The following ADK variants were observed in gnomAD, a reference collection of about 807,000 sequenced individuals.
ADK encodes adenosine kinase.
Under a neutral mutation model 44.7 loss-of-function variants are expected in ADK, and 24 were observed. That is an observed-to-expected ratio of 0.54 (90% CI 0.39 to 0.76). The LOEUF (loss-of-function observed/expected upper bound fraction) is 0.76, where lower values mean the gene tolerates loss of function less well. Ranked by LOEUF, ADK falls within the 30% of genes least tolerant of loss-of-function variation. The pLI is 0.00. For synonymous variants in ADK, 128 were observed against 142.6 expected, an observed-to-expected ratio of 0.90 and a Z score of 0.73; for missense variants, 321 against 425.1, an observed-to-expected ratio of 0.76 and a Z score of 2.15.
chr10:74,610,487 G>T (rs564112584), intron 9 of ADK, among the ~76,000 whole-genome samples: 6 of 152,084 alleles, frequency 3.9e-5, no homozygotes, highest in African/African-American at 1.4e-4. Flanking sequence ...GTAAAGATGG[G>T]TAGTGATAAT....
intron 9 of ADK, among the ~76,000 whole-genome samples, chr10:74,668,113 T>C (rs1252808961): frequency 6.6e-6 from 1 of 152,202 alleles, no homozygotes; most frequent in Non-Finnish European, 1.5e-5. Flanking sequence ...TTTCATTAAC[T>C]TGAGCTCATT....
chr10:74,521,611 T>C (rs1848839012), intron 6 of ADK, among the ~76,000 whole-genome samples: 1 of 152,188 alleles, frequency 6.6e-6, no homozygotes, highest in Non-Finnish European at 1.5e-5. Flanking sequence ...TATTTGATGC[T>C]GGAACAGTTT....
chr10:74,358,243 C>A (rs1235715181), intron 4 of ADK, among the ~76,000 whole-genome samples: 1 of 152,122 alleles, frequency 6.6e-6, no homozygotes, highest in Non-Finnish European at 1.5e-5. Context: ...CTTTTTGCAG[C>A]ATTTTTGATA....
chr10:74,609,049 C>A (rs563103102), intron 9 of ADK, among the ~76,000 whole-genome samples: 7 of 152,256 alleles, frequency 4.6e-5, no homozygotes, highest in Non-Finnish European at 8.8e-5. Flanking sequence ...AGGGGAAAAC[C>A]GCCTACTCAA....
chr10:74,611,175 C>A (rs529370515), intron 9 of ADK, among the ~76,000 whole-genome samples: 6,145 of 152,076 alleles, frequency 0.04, 391 homozygotes, highest in African/African-American at 0.14. Flanking sequence ...AGGTGCCTAC[C>A]ACCCTGCCCA....
chr10:74,442,548 CGGCAGGAGAATCGCTCA>C (rs1564724961), intron 6 of ADK, among the ~76,000 whole-genome samples: 1 of 152,026 alleles, frequency 6.6e-6, no homozygotes, highest in Non-Finnish European at 1.5e-5. Context: ...TGGGAAGCTG[CGGCAGGAGAATCGCTCA>C]AACCCAGGAG....
intron 9 of ADK, among the ~76,000 whole-genome samples, chr10:74,621,609 G>A (rs1044218107): frequency 1.4e-4 from 21 of 152,144 alleles, no homozygotes; most frequent in African/African-American, 5.1e-4. Flanking sequence ...TGTGAAGAAT[G>A]TCATTCGTAT....
intron 6 of ADK, among the ~76,000 whole-genome samples, chr10:74,422,619 GT>G (rs1261094260): frequency 1.3e-5 from 2 of 152,168 alleles, no homozygotes; most frequent in Admixed American, 1.3e-4. Flanking sequence ...GTATATCTAA[GT>G]TCCCAAATAT....
intron 3 of ADK, among the ~76,000 whole-genome samples, chr10:74,243,781 T>C (rs1845313359): frequency 6.6e-6 from 1 of 152,176 alleles, no homozygotes; most frequent in Admixed American, 6.5e-5. Flanking sequence ...GGAAATCGCT[T>C]GAACCCAGGA....
chr10:74,375,719 A>G lies in ADK; in HGVS notation c.274-18422A>G, dbSNP rs538259462. Among the ~76,000 whole-genome samples the G allele has an allele frequency of 4.6e-5, 7 of 152,066 alleles. No homozygotes were observed. The South Asian group carries it at 1.5e-3, about 32-fold the overall frequency. ...AGTGGCAAAGGGGGCTTCTTCAAAGATTTTATGGTATCTTCACTTTATGTC... is the reference window on the plus strand; with the variant it reads ...AGTGGCAAAGGGGGCTTCTTCAAAGGTTTTATGGTATCTTCACTTTATGTC... On this transcript the variant is annotated intron_variant, in intron 4 of 10. Coordinates refer to ENST00000539909, the MANE Select transcript of ADK (RefSeq NM_006721.4).
Position 74,548,490 on chromosome 10 carries a change from A to G in ADK, c.726+23064A>G, listed in dbSNP as rs117489878. 9.8e-5 allele frequency among the ~76,000 whole-genome samples: 15 copies of G among 152,332 alleles called. 1 individual carries two copies. The East Asian group carries it at 2.5e-3, about 25-fold the overall frequency. ...ATTTGAATTTCAGAAGGGACACACG[A>G]TATCTGGGACATACTTATACTAAAA... On this transcript the variant is annotated intron_variant, in intron 7 of 10. Transcript: ENST00000539909.
At chr10:74,663,526 G>A (rs1020351553) in intron 9 of ADK, among the ~76,000 whole-genome samples, 2 of 151,812 alleles carry the variant, frequency 1.3e-5, no homozygotes, top group East Asian at 1.9e-4. Flanking sequence ...CCTACTTTTT[G>A]TGGAAGCACT....
chr10:74,630,562 A>G (rs1163045018), intron 9 of ADK, among the ~76,000 whole-genome samples: 5 of 152,250 alleles, frequency 3.3e-5, no homozygotes, highest in African/African-American at 1.2e-4. Context: ...CAAGAATACC[A>G]CAGAAATAAT....
chr10:74,464,476 C>T (rs1345522124), intron 6 of ADK, among the ~76,000 whole-genome samples: 1 of 152,064 alleles, frequency 6.6e-6, no homozygotes, highest in Non-Finnish European at 1.5e-5. Flanking sequence ...AAGAGGATCA[C>T]TTGAGCCTGG....
chr10:74,264,369 T>C (rs1317084803), intron 3 of ADK, among the ~76,000 whole-genome samples: 2 of 152,244 alleles, frequency 1.3e-5, no homozygotes, highest in Non-Finnish European at 2.9e-5. Flanking sequence ...GTGGTTTTAA[T>C]TGAATTTTGA....
chr10:74,211,903 T>C (rs1472898702), intron 2 of ADK, among the ~76,000 whole-genome samples: 1 of 152,232 alleles, frequency 6.6e-6, no homozygotes, highest in East Asian at 1.9e-4. Context: ...GTATATGATA[T>C]ATTTTTCTAC....
intron 5 of ADK, among the ~76,000 whole-genome samples, chr10:74,397,277 G>A (rs1843551911): frequency 6.6e-6 from 1 of 151,184 alleles, no homozygotes; most frequent in Admixed American, 6.6e-5. Flanking sequence ...TGGATGAGTG[G>A]AAATACGTTT....
intron 9 of ADK, among the ~76,000 whole-genome samples, chr10:74,668,624 T>C (rs1228754793): frequency 2.6e-5 from 4 of 152,174 alleles, no homozygotes; most frequent in Non-Finnish European, 4.4e-5. Context: ...TAATCCCAGC[T>C]ACTTGGGAGG....
chr10:74,247,804 G>A (rs1845481414), intron 3 of ADK, among the ~76,000 whole-genome samples: 1 of 152,056 alleles, frequency 6.6e-6, no homozygotes, highest in Admixed American at 6.5e-5. Flanking sequence ...GTGTTTTAGA[G>A]ACTCTTTTAC....
Sources: gnomAD v4.1 joint callset for allele counts (sites outside exome capture counted in the v4.1 genomes callset) on GRCh38, gnomAD v4.1.1 for gene constraint, MANE v1.5 for transcripts, NCBI Gene and HGNC (gene_info 2026-07-23, HGNC 2026-07-21) for gene names.